FLRT1: variants seen among roughly 807,000 people sequenced by gnomAD.
FLRT1 encodes the protein fibronectin leucine rich transmembrane protein 1.
In FLRT1, 14 loss-of-function variants were observed where a neutral mutation model predicts 30.9. That is an observed-to-expected ratio of 0.45 (90% confidence interval 0.30 to 0.71). The LOEUF is 0.71. FLRT1 is among the 30% of genes least tolerant of loss of function. The pLI, the probability that FLRT1 is intolerant of heterozygous loss-of-function variation, is 0.08. For synonymous variants in FLRT1, 368 were observed against 430.4 expected (o/e 0.85, Z 1.80); for missense variants, 737 against 949.2 (o/e 0.78, Z 2.94).
Position 64,064,415 on chromosome 11 carries a change from A to C in FLRT1, c.-1038+28256A>C, listed in dbSNP as rs1943958340. Reference sequence around the variant, plus strand: ...GAGGAGGCTCAGGGCCAGTGCCGGGACTCCAGCTCCTCTGGGCACTGGGCA... The same window carrying C: ...GAGGAGGCTCAGGGCCAGTGCCGGGCCTCCAGCTCCTCTGGGCACTGGGCA... On this transcript the variant is annotated intron_variant, in intron 1 of 2. Transcript: ENST00000682287. The surrounding 1 kb of genome is among the most constrained non-coding windows in gnomAD (Gnocchi z 4.5). Among the ~76,000 whole-genome samples the C allele has an allele frequency of 6.6e-6, 1 of 151,830 alleles. No individual in the cohort carries two copies. Among genetic ancestry groups the C allele is most frequent in the African/African-American group, 2.4e-5 (1 of 41,350 alleles).
intron 1 of FLRT1, among the ~76,000 whole-genome samples, chr11:64,048,644 C>T (rs934649664): frequency 1.2e-4 from 19 of 152,288 alleles, no homozygotes; most frequent in African/African-American, 4.3e-4. Flanking sequence ...GCACTTTATG[C>T]GTCATCACCG....
At chr11:64,116,161 C>T (rs1944975085) in intron 2 of FLRT1, 58 bp from the exon 3 acceptor site, 11 of 1,485,866 alleles carry the variant, frequency 7.4e-6, no homozygotes, top group Middle Eastern at 2.2e-4. Context: ...GCACGATTCA[C>T]TCCTGGGGTC....
In FLRT1 at chr11:64,103,646, A is replaced by G. The variant is rs1465837205; in HGVS notation, c.-585A>G. 1 of 151,874 alleles carries G rather than the reference A, an allele frequency of 6.6e-6. No individual in the cohort carries two copies. The highest frequency in any genetic ancestry group is 1.5e-5 in the Non-Finnish European group (1 of 68,016). 9.4% of individuals were successfully genotyped at this position (151,874 alleles called of 1,614,324 possible). On this transcript the variant is annotated 5_prime_UTR_variant, in exon 2 of 3. Coordinates refer to ENST00000682287, the MANE Select transcript of FLRT1 (RefSeq NM_013280.5). Reference sequence around the variant, plus strand: ...TAAAAGCCACGCAGAGGCCCTTCAGAAGAGGTGGCGGGCTGCAGACAAAAG... The same window carrying G: ...TAAAAGCCACGCAGAGGCCCTTCAGGAGAGGTGGCGGGCTGCAGACAAAAG...
chr11:64,047,079 G>A (rs942898318), intron 1 of FLRT1, among the ~76,000 whole-genome samples: 23 of 151,618 alleles, frequency 1.5e-4, no homozygotes, highest in African/African-American at 4.4e-4. Flanking sequence ...CTGAGCCTTC[G>A]ACGTGCTGTT....
rs745977740 is a variant in FLRT1, at chr11:64,116,703, T to C, written c.436T>C (p.Ser146Pro). 3.7e-6 allele frequency: 6 copies of C among 1,613,608 alleles called. No homozygotes were observed. The South Asian group carries it at 5.5e-5, about 15-fold the overall frequency. ...DNNVRTIARD[S>P]LARIPLLEKL... ...CAATGTGCGCACCATTGCCAGGGAC[T>C]CGCTGGCCCGCATCCCGCTGCTGGA... Residue 146 changes from serine (S) to proline (P), a missense_variant, in exon 3 of 3, where the codon TCG becomes CCG. Physicochemically the swap from Ser to Pro is moderately conservative, Grantham distance 74 (BLOSUM62 -1). Coordinates refer to ENST00000682287, the MANE Select transcript of FLRT1 (RefSeq NM_013280.5).
At chr11:64,065,533 T>A (rs569414399) in intron 1 of FLRT1, among the ~76,000 whole-genome samples, 1 of 152,142 alleles carries the variant, frequency 6.6e-6, no homozygotes. Context: ...CTCATGCCTG[T>A]AATCCCAGCA....
chr11:64,063,718 C>T (rs759526248), intron 1 of FLRT1, among the ~76,000 whole-genome samples: 2 of 152,164 alleles, frequency 1.3e-5, no homozygotes, highest in African/African-American at 2.4e-5. Context: ...GGTGCTGAAA[C>T]CTACTCCCCC....
intron 1 of FLRT1, among the ~76,000 whole-genome samples, chr11:64,048,840 G>C (rs1943635769): frequency 6.6e-6 from 1 of 152,204 alleles, no homozygotes; most frequent in South Asian, 2.1e-4. Context: ...CCCGAGGTGG[G>C]CCAGGCACCA....
chr11:64,067,199 A>G lies in FLRT1; in HGVS notation c.-1038+31040A>G, dbSNP rs1418492738. The stretch of plus-strand genomic sequence containing the variant: ...CCTGTAGGCACATGCGGCTCCAAGG[A>G]GATGGCAGATGGGAGGGGTGGGGAG... On this transcript the variant is annotated intron_variant, in intron 1 of 2. Transcript: ENST00000682287. This position sits in a 1 kb window ranked among gnomAD's most constrained non-coding sequence, Gnocchi z 4.6. Among the ~76,000 whole-genome samples the G allele has an allele frequency of 6.6e-6, 1 of 151,994 alleles. No homozygotes were observed. Among genetic ancestry groups the G allele is most frequent in the Non-Finnish European group, 1.5e-5 (1 of 67,984 alleles).
At position 64,116,392 on chromosome 11, in the gene FLRT1, T is replaced by C. The variant is rs1231690192; in HGVS notation, c.125T>C (p.Ile42Thr). 6.2e-7 allele frequency: 1 copy of C among 1,613,832 alleles called. No homozygotes were observed. Among genetic ancestry groups the C allele is most frequent in the African/African-American group, 1.3e-5 (1 of 74,932 alleles). The change falls in exon 3 of 3, where the codon ATC (isoleucine) becomes ACC (threonine). Residue 42 changes from isoleucine to threonine, a missense_variant. Coordinates refer to ENST00000682287, the MANE Select transcript of FLRT1 (RefSeq NM_013280.5). ...TGGCTGTTCCTCTGCTACGGGCTCA[T>C]CGCCTTCCTGACGGAGGTCATCGAC... Reference protein sequence around the residue: ...RDWLFLCYGLIAFLTEVIDST... With the variant: ...RDWLFLCYGLTAFLTEVIDST...
chr11:64,094,537 C>T (rs1259505875), intron 1 of FLRT1, among the ~76,000 whole-genome samples: 1 of 152,136 alleles, frequency 6.6e-6, no homozygotes, highest in Non-Finnish European at 1.5e-5. Flanking sequence ...AAATGAATGG[C>T]AGGCTCCTGG....
At chr11:64,098,491 C>G (rs1944616952) in intron 1 of FLRT1, among the ~76,000 whole-genome samples, 1 of 152,236 alleles carries the variant, frequency 6.6e-6, no homozygotes, top group Admixed American at 6.5e-5. Flanking sequence ...CCTTCTGTCT[C>G]CAGTGCCCTC....
chr11:64,039,305 G>C (rs964926342), intron 1 of FLRT1, among the ~76,000 whole-genome samples: 1 of 152,170 alleles, frequency 6.6e-6, no homozygotes, highest in Non-Finnish European at 1.5e-5. Context: ...CCCGGGGGTA[G>C]CTTTCCCTGC....
chr11:64,104,887 G>C (rs1163773601), intron 2 of FLRT1, among the ~76,000 whole-genome samples: 1 of 152,236 alleles, frequency 6.6e-6, no homozygotes, highest in Non-Finnish European at 1.5e-5. Context: ...CAGGAGGCCA[G>C]AGGGAGAGGC....
At chr11:64,102,936 T>C (rs1944695498) in intron 1 of FLRT1, among the ~76,000 whole-genome samples, 5 of 151,950 alleles carry the variant, frequency 3.3e-5, no homozygotes, top group Admixed American at 3.3e-4. Flanking sequence ...CCGGGTGTGG[T>C]GGCTCACGCC....
chr11:64,071,718 G>A (rs1237102989), intron 1 of FLRT1, among the ~76,000 whole-genome samples: 1 of 152,192 alleles, frequency 6.6e-6, no homozygotes, highest in Non-Finnish European at 1.5e-5. Flanking sequence ...AAGGCCCTTT[G>A]TCAAGCAGGA....
At chr11:64,102,513 C>T (rs942872203) in intron 1 of FLRT1, among the ~76,000 whole-genome samples, 2 of 152,234 alleles carry the variant, frequency 1.3e-5, no homozygotes, top group Non-Finnish European at 2.9e-5. Flanking sequence ...CAGTTGGAGC[C>T]TTTGAATGAC....
chr11:64,082,516 C>T lies in FLRT1; in HGVS notation c.-1037-20678C>T, dbSNP rs373579272. ...TGGTCCCAGGGGGTGAAACAAGGCT[C>T]GGTGCCTAACGGTGGTGGCCGTGGG... On this transcript the variant is annotated intron_variant, in intron 1 of 2. Transcript: ENST00000682287. The surrounding 1 kb of genome is among the most constrained non-coding windows in gnomAD (Gnocchi z 4.5). Among the ~76,000 whole-genome samples, 124 of 152,110 alleles carry T rather than the reference C, an allele frequency of 8.2e-4. 4 individuals carry two copies. The East Asian group carries it at 0.016, about 19-fold the overall frequency.
chr11:64,039,221 A>AGCGTGGGTGGACAAGAAGGG (rs1260459109), intron 1 of FLRT1, among the ~76,000 whole-genome samples: 13 of 151,454 alleles, frequency 8.6e-5, no homozygotes, highest in Non-Finnish European at 1.9e-4. Flanking sequence ...TGGGTGAGCG[A>AGCGTGGGTGGACAAGAAGGG]GCGTGGGTGG....
Sources: allele counts gnomAD v4.1 joint callset (sites outside exome capture counted in the v4.1 genomes callset), GRCh38; gene constraint gnomAD v4.1.1; non-coding constraint Gnocchi (gnomAD v3.1); transcripts MANE v1.5; gene names NCBI Gene and HGNC (gene_info 2026-07-23, HGNC 2026-07-21).